Variants in EIF3B observed in about 807,000 individuals in gnomAD.
EIF3B encodes the protein eukaryotic translation initiation factor 3 subunit 9.
In EIF3B, 10 loss-of-function variants were observed where a neutral mutation model predicts 104.6. That is an observed-to-expected ratio of 0.10 (90% confidence interval 0.06 to 0.16). EIF3B has a LOEUF of 0.16. Among genes scored for constraint, EIF3B ranks in the 10% least tolerant of loss-of-function variants. The probability of loss-of-function intolerance (pLI) is 1.00; values close to 1 mark genes in which losing one functional copy is unlikely to be tolerated. For missense variants in EIF3B, 1,014 were observed against 1,087.9 expected, an observed-to-expected ratio of 0.93 and a Z score of 0.96; for synonymous variants, 542 against 417.2, an observed-to-expected ratio of 1.30 and a Z score of -3.65.
chr7:2,362,763 A>G lies in EIF3B; in HGVS notation c.811A>G (p.Lys271Glu). Residue 271 changes from lysine to glutamate, a missense_variant and splice_region_variant, in exon 3 of 19, where the codon AAG becomes GAG. Lys to Glu is a moderately conservative substitution (Grantham distance 56, BLOSUM62 1). Transcript: ENST00000360876. ...FRVNLFTDFD[K>E]YMTISDEWDI... is the part of the protein sequence containing the mutation. ...GGTCAACCTCTTTACGGATTTTGAC[A>G]AGTGAGTTCAGACTTGGCCACAAGG... The G allele has an allele frequency of 6.2e-7, 1 of 1,614,126 alleles. No individual in the cohort carries two copies. The highest frequency in any genetic ancestry group is 8.5e-7 in the Non-Finnish European group (1 of 1,180,028).
Position 2,375,530 on chromosome 7 carries a change from G to C in EIF3B, c.2028+3G>C. The C allele has an allele frequency of 6.2e-7, 1 of 1,614,208 alleles. No homozygotes were observed. Among genetic ancestry groups the C allele is most frequent in the Non-Finnish European group, 8.5e-7 (1 of 1,180,046 alleles). ...CTGTGTCCTGGTGGAGCCATAAGGT[G>C]CAGGCCTGTGGGGCATAGTTTTGAC... On this transcript the variant is annotated splice_donor_region_variant and intron_variant, in intron 14 of 18. Coordinates refer to ENST00000360876, the MANE Select transcript of EIF3B (RefSeq NM_001037283.2).
intron 12 of EIF3B, chr7:2,373,393 A>C (rs917475918): frequency 6.6e-6 from 1 of 152,376 alleles, no homozygotes; most frequent in Admixed American, 6.6e-5. Context: ...TTGTTGCTTC[A>C]TAGGCGTGGG....
At chr7:2,368,618 C>T (rs1036378601) in intron 9 of EIF3B, among the ~76,000 whole-genome samples, 1 of 152,196 alleles carries the variant, frequency 6.6e-6, no homozygotes, top group Non-Finnish European at 1.5e-5. Flanking sequence ...CCATCTACCT[C>T]GTCTTTGATC....
At chr7:2,356,579 G>A (rs1779454760) in intron 1 of EIF3B, among the ~76,000 whole-genome samples, 1 of 150,002 alleles carries the variant, frequency 6.7e-6, no homozygotes, top group Non-Finnish European at 1.5e-5. Context: ...CTCCATCCTG[G>A]GCGACAGAGC....
chr7:2,362,629 G>T lies in EIF3B; in HGVS notation c.693-16G>T, dbSNP rs751551651. 6.2e-7 allele frequency: 1 copy of T among 1,614,032 alleles called. No individual in the cohort carries two copies. The highest frequency in any genetic ancestry group is 1.7e-5 in the Admixed American group (1 of 60,014). ...CTTACAGTGTGGGTATGTGCCAACG[G>T]CCCTCTCTCACTCAGGTATATTTTC... On this transcript the variant is annotated splice_polypyrimidine_tract_variant and intron_variant, in intron 2 of 18. Transcript: ENST00000360876.
chr7:2,376,136 T>C (rs4721656), intron 14 of EIF3B: 45,751 of 154,366 alleles, frequency 0.3, 8,318 homozygotes, highest in African/African-American at 0.52. Context: ...AATCAGGATA[T>C]GTTGATCACA....
upstream of EIF3B, among the ~76,000 whole-genome samples, chr7:2,354,694 C>T (rs577657101): frequency 6.6e-6 from 1 of 152,262 alleles, no homozygotes; most frequent in Non-Finnish European, 1.5e-5. Context: ...TTTCTTGTCA[C>T]AAATATATCA....
chr7:2,380,302 C>G lies in EIF3B; in HGVS notation c.*113C>G, dbSNP rs768734445. 1.9e-6 allele frequency: 1 copy of G among 515,178 alleles called. No homozygotes were observed. Among genetic ancestry groups the G allele is most frequent in the Non-Finnish European group, 3.9e-6 (1 of 258,280 alleles). The allele number at this position is 515,178 out of a possible 1,614,324, so 31.9% of individuals were successfully genotyped here. A position where few individuals can be genotyped will look rare whatever the true frequency, so the allele number is the denominator to read the frequency against. On this transcript the variant is annotated 3_prime_UTR_variant, in exon 19 of 19. Transcript: ENST00000360876. ...AGCGCAGCCGTGTGTGCTGTGGAGC[C>G]GAGGCCGTCCTGCAGGAAGCCGCGT...
chr7:2,355,161 G>A lies in EIF3B; in HGVS notation c.240G>A (p.Pro80=). The A allele has an allele frequency of 6.9e-7, 1 of 1,453,078 alleles. No homozygotes were observed. Among genetic ancestry groups the A allele is most frequent in the Non-Finnish European group, 9.0e-7 (1 of 1,112,444 alleles). The allele number at this position is 1,453,078 out of a possible 1,614,324, so 90.0% of individuals were successfully genotyped here. Residue 80 remains proline (P), a synonymous_variant, in exon 1 of 19, where the codon CCG becomes CCA. Transcript: ENST00000360876. Reference sequence around the variant, plus strand: ...CCGAGGCAGAGGCGGCCTCCGGCCCGTCCGAGTCGCCCTCGCCGCCGGCCG... The same window carrying A: ...CCGAGGCAGAGGCGGCCTCCGGCCCATCCGAGTCGCCCTCGCCGCCGGCCG... ...PAAEAEAASG[P]SESPSPPAAE...
intron 9 of EIF3B, among the ~76,000 whole-genome samples, chr7:2,367,343 A>AC (rs1780078917): frequency 1.7e-5 from 2 of 119,020 alleles, no homozygotes; most frequent in Admixed American, 8.9e-5. Context: ...AGGACCTCCC[A>AC]CCCCCCAAAA....
intron 10 of EIF3B, 63 bp downstream of exon 10, chr7:2,369,745 T>C (rs1780217821): frequency 7.6e-7 from 1 of 1,322,052 alleles, no homozygotes; most frequent in African/African-American, 1.5e-5. Context: ...GCCACCGTAT[T>C]GTTTGGAGGG....
Position 2,360,767 on chromosome 7 carries a change from T to C in EIF3B, c.557T>C (p.Val186Ala). The change falls in exon 2 of 19, where the codon GTG becomes GCG. Residue 186 changes from valine to alanine, a missense_variant. Around this residue, in one of 4 missense-constraint regions of EIF3B, gnomAD observed 488 missense variants for 404.3 expected, o/e 1.21. Transcript: ENST00000360876. ...CAGGAAGCAGATGGAATCGATTCGG[T>C]GATTGTAGTGGACAATGTCCCTCAG... ...RPQEADGIDS[V>A]IVVDNVPQVG... 6.2e-7 allele frequency: 1 copy of C among 1,606,142 alleles called. No individual in the cohort carries two copies. The highest frequency in any genetic ancestry group is 8.5e-7 in the Non-Finnish European group (1 of 1,173,246).
At chr7:2,372,618 G>C (rs1780415535) in intron 11 of EIF3B, 55 bp from the exon 12 acceptor site, 1 of 1,583,768 alleles carries the variant, frequency 6.3e-7, no homozygotes, top group Non-Finnish European at 8.6e-7. Context: ...AACTGATCAA[G>C]AGCACTATGT....
chr7:2,364,484 T>G lies in EIF3B; in HGVS notation c.1112T>G (p.Phe371Cys). 1 of 1,613,048 alleles carries G rather than the reference T, an allele frequency of 6.2e-7. No homozygotes were observed. The highest frequency in any genetic ancestry group is 1.1e-5 in the South Asian group (1 of 90,632). Reference sequence around the variant, plus strand: ...GAGAAATTCAAGCAAATTCAGAGATTCAGCCACCAAGGGGTTCAGCTTATT... The same window carrying G: ...GAGAAATTCAAGCAAATTCAGAGATGCAGCCACCAAGGGGTTCAGCTTATT... ...GGEKFKQIQR[F>C]SHQGVQLIDF... Residue 371 changes from phenylalanine to cysteine, a missense_variant, in exon 6 of 19, where the codon TTC becomes TGC. Physicochemically the swap from Phe to Cys is radical, Grantham distance 205 (BLOSUM62 -2). Transcript: ENST00000360876.
chr7:2,364,244 A>G, intron 5 of EIF3B, 128 bp from the exon 6 acceptor site: 2 of 842,268 alleles, frequency 2.4e-6, no homozygotes, highest in Non-Finnish European at 3.6e-6. Flanking sequence ...CCTGGGAGAC[A>G]GCGAGACTCC....
At chr7:2,363,229 G>A in intron 4 of EIF3B, 102 bp downstream of exon 4, 1 of 1,203,846 alleles carries the variant, frequency 8.3e-7, no homozygotes, top group Non-Finnish European at 1.2e-6. Flanking sequence ...GAGGTGGGAG[G>A]ATCGCTTAAG....
At chr7:2,375,609 G>A (rs1780587490) in intron 14 of EIF3B, 82 bp downstream of exon 14, 1 of 1,589,524 alleles carries the variant, frequency 6.3e-7, no homozygotes, top group Non-Finnish European at 8.6e-7. Flanking sequence ...GCTGTCCTGG[G>A]ACCTCAGGGA....
At chr7:2,362,096 A>T (rs996296163) in intron 2 of EIF3B, among the ~76,000 whole-genome samples, 1 of 152,060 alleles carries the variant, frequency 6.6e-6, no homozygotes, top group African/African-American at 2.4e-5. Context: ...AGTAGCTGGG[A>T]TTATAAGCAT....
chr7:2,362,574 G>T, intron 2 of EIF3B, 71 bp from the exon 3 acceptor site: 1 of 1,586,144 alleles, frequency 6.3e-7, no homozygotes, highest in Non-Finnish European at 8.6e-7. Flanking sequence ...CGTGGAGAGG[G>T]GTGGGGCGGA....
Sources: gnomAD v4.1 joint callset for allele counts (sites outside exome capture counted in the v4.1 genomes callset) on GRCh38, gnomAD v4.1.1 for gene constraint, gnomAD v4.1.1 regional missense constraint, MANE v1.5 for transcripts, NCBI Gene and HGNC (gene_info 2026-07-23, HGNC 2026-07-21) for gene names.